The following PER1 variants were observed in gnomAD, a reference collection of about 807,000 sequenced individuals.
PER1 encodes period circadian protein homolog 1.
In PER1, 87 loss-of-function variants were observed where a neutral mutation model predicts 125.9. The observed-to-expected ratio is 0.69, with a 90% CI of 0.58 to 0.83. PER1 has a LOEUF of 0.83. Among genes scored for constraint, PER1 ranks in the 40% least tolerant of loss-of-function variants. The pLI is 0.00. For missense variants in PER1, 1,775 were observed against 1,722.8 expected (o/e 1.03, Z -0.54); for synonymous variants, 801 against 714.7 (o/e 1.12, Z -1.93).
In PER1 at chr17:8,144,965, G is replaced by A. The variant is rs2735611; in HGVS notation, c.2247C>T (p.Gly749=). The A allele has an allele frequency of 0.8, 1,203,977 of 1,502,102 alleles. 495,548 individuals are homozygous for A. Among genetic ancestry groups the A allele is most frequent in the Non-Finnish European group, 0.85 (961,064 of 1,126,378 alleles). The allele number at this position is 1,502,102 out of a possible 1,614,324, so 93.0% of individuals were successfully genotyped here. ...SDIIMMEDLP[G]LAPGPAPSPA... is the part of the protein sequence containing the mutation. ...GGCTGGGGGCTGGGCCTGGGGCTAG[G>A]CCAGGCAGGTCCTCCATCATGATGA... Residue 749 remains glycine, a synonymous_variant, in exon 18 of 23, where the codon GGC becomes GGT. Coordinates refer to ENST00000317276, the MANE Select transcript of PER1 (RefSeq NM_002616.3).
At chr17:8,145,275 T>C (rs1982358379) in intron 17 of PER1, 2 of 346,562 alleles carry the variant, frequency 5.8e-6, no homozygotes, top group Non-Finnish European at 1.0e-5. Context: ...ACAACTCTCA[T>C]TGGAAGAGAA....
Position 8,143,567 on chromosome 17 carries a change from G to A in PER1, c.2771C>T (p.Pro924Leu), listed in dbSNP as rs1982224124. 2 of 1,476,160 alleles carry A rather than the reference G, an allele frequency of 1.4e-6. No individual in the cohort carries two copies. Among genetic ancestry groups the A allele is most frequent in the Non-Finnish European group, 1.8e-6 (2 of 1,108,514 alleles). The allele number at this position is 1,476,160 out of a possible 1,614,324, so 91.4% of individuals were successfully genotyped here. The change falls in exon 19 of 23, where the codon CCT becomes CTT. Residue 924 changes from proline (P) to leucine (L), a missense_variant. Coordinates refer to ENST00000317276, the MANE Select transcript of PER1 (RefSeq NM_002616.3). ...LVTPMVALVL[P>L]NYLFPTPSSY... ...GGATGGGGTTGGGAACAGATAGTTA[G>A]GGAGCACCAAGGCCACCATTGGGGT...
Position 8,146,384 on chromosome 17 carries a change from C to T in PER1, c.2026G>A (p.Gly676Arg), listed in dbSNP as rs373151610. Reference sequence around the variant, plus strand: ...ATTGGATCTTTACCTTTCTTGGTCCCCACAGAGACTGGACCTGTCCTCTGC... The same window carrying T: ...ATTGGATCTTTACCTTTCTTGGTCCTCACAGAGACTGGACCTGTCCTCTGC... ...DRQRTGPVSV[G>R]TKKDPPSAAL... is the part of the protein sequence containing the mutation. Residue 676 changes from glycine to arginine, a missense_variant, in exon 16 of 23, where the codon GGG becomes AGG. By Grantham distance (125) the Gly-to-Arg change is moderately radical. Coordinates refer to ENST00000317276, the MANE Select transcript of PER1 (RefSeq NM_002616.3). 2 of 1,607,230 alleles carry T rather than the reference C, an allele frequency of 1.2e-6. No individual in the cohort carries two copies. Among genetic ancestry groups the T allele is most frequent in the Admixed American group, 1.7e-5 (1 of 59,366 alleles).
In PER1 at chr17:8,146,633, C is replaced by T. The variant is rs748759106; in HGVS notation, c.1868G>A (p.Cys623Tyr). The change falls in exon 15 of 23, where the codon TGC becomes TAC. Residue 623 changes from cysteine (C) to tyrosine (Y), a missense_variant. Coordinates refer to ENST00000317276, the MANE Select transcript of PER1 (RefSeq NM_002616.3). The part of the protein sequence containing the change: ...EEAERKEASS[C>Y]SYQQINCLDS... ...CAGGCAGTTGATCTGCTGGTAGGAG[C>T]AGCTGGAGGCTTCTTTCCTCTCGGC... 3 of 1,613,156 alleles carry T rather than the reference C, an allele frequency of 1.9e-6. No homozygotes were observed. Among genetic ancestry groups the T allele is most frequent in the Non-Finnish European group, 2.5e-6 (3 of 1,179,624 alleles).
Position 8,146,639 on chromosome 17 carries a change from G to A in PER1, c.1862C>T (p.Ser621Phe). Residue 621 changes from serine (S) to phenylalanine (F), a missense_variant, in exon 15 of 23, where the codon TCC (serine) becomes TTC (phenylalanine). Physicochemically the swap from Ser to Phe is radical, Grantham distance 155 (BLOSUM62 -2). Coordinates refer to ENST00000317276, the MANE Select transcript of PER1 (RefSeq NM_002616.3). Reference sequence around the variant, plus strand: ...GTTGATCTGCTGGTAGGAGCAGCTGGAGGCTTCTTTCCTCTCGGCCTCCTC... The same window carrying A: ...GTTGATCTGCTGGTAGGAGCAGCTGAAGGCTTCTTTCCTCTCGGCCTCCTC... Reference protein sequence around the residue: ...VPEEAERKEASSCSYQQINCL... With the variant: ...VPEEAERKEAFSCSYQQINCL... 1 of 1,613,594 alleles carries A rather than the reference G, an allele frequency of 6.2e-7. No individual in the cohort carries two copies. The highest frequency in any genetic ancestry group is 1.1e-5 in the South Asian group (1 of 91,024).
In PER1 at chr17:8,148,243, A is replaced by G; in HGVS notation, c.1065T>C (p.Pro355=). The change falls in exon 9 of 23, where the codon CCT becomes CCC. Residue 355 remains proline, a synonymous_variant. Coordinates refer to ENST00000317276, the MANE Select transcript of PER1 (RefSeq NM_002616.3). Reference sequence around the variant, plus strand: ...GCCGCGTAGTGAAAATCCTCTTGTCAGGGGGTATCCGGGGAGCTGAGGCAC... The same window carrying G: ...GCCGCGTAGTGAAAATCCTCTTGTCGGGGGGTATCCGGGGAGCTGAGGCAC... ...HSGYEAPRIP[P]DKRIFTTRHT... 6.2e-7 allele frequency: 1 copy of G among 1,614,014 alleles called. No homozygotes were observed. Among genetic ancestry groups the G allele is most frequent in the East Asian group, 2.2e-5 (1 of 44,868 alleles).
chr17:8,152,303 A>T (rs886695917), intron 1 of PER1, 34 bp downstream of exon 1: 4 of 152,272 alleles, frequency 2.6e-5, no homozygotes, highest in Non-Finnish European at 5.9e-5. Flanking sequence ...TCAGGGACGG[A>T]GATCGGCCCC....
Position 8,143,221 on chromosome 17 carries a change from G to A in PER1, c.3072+45C>T, listed in dbSNP as rs1383842415. ...GCAGCACAGGGTGGCAGAGGGGCGG[G>A]GCTGGGGTGGGGGCTGGCAGGCAGA... On this transcript the variant is annotated intron_variant, in intron 19 of 22. Transcript: ENST00000317276. 3.0e-6 allele frequency: 4 copies of A among 1,338,074 alleles called. No individual in the cohort carries two copies. The Admixed American group carries it at 8.5e-5, about 28-fold the overall frequency. 82.9% of individuals were successfully genotyped at this position (1,338,074 alleles called of 1,614,324 possible).
At position 8,147,928 on chromosome 17, in the gene PER1, A is replaced by G; in HGVS notation, c.1234+69T>C. ...CCAGGAGACCAAGGCACCAAGAGACACAACCACAAGGGCAGCCACTCAAAA... is the reference window on the plus strand; with the variant it reads ...CCAGGAGACCAAGGCACCAAGAGACGCAACCACAAGGGCAGCCACTCAAAA... On this transcript the variant is annotated intron_variant, in intron 10 of 22. Transcript: ENST00000317276. 6.9e-6 allele frequency: 11 copies of G among 1,583,424 alleles called. No homozygotes were observed. In the South Asian group the frequency reaches 9.0e-5, roughly 13 times the overall value.
chr17:8,151,499 TAAG>T (rs1982862385), intron 1 of PER1, among the ~76,000 whole-genome samples: 1 of 151,998 alleles, frequency 6.6e-6, no homozygotes, highest in South Asian at 2.1e-4. Flanking sequence ...TCGGTGGCCG[TAAG>T]AAGTGGGACG....
intron 1 of PER1, among the ~76,000 whole-genome samples, chr17:8,151,498 G>C (rs1253856557): frequency 6.6e-6 from 1 of 152,160 alleles, no homozygotes; most frequent in Non-Finnish European, 1.5e-5. Flanking sequence ...CTCGGTGGCC[G>C]TAAGAAGTGG....
rs1392481422 is a variant in PER1, at chr17:8,143,707, G to C, written c.2631C>G (p.Phe877Leu). ...GAGGGTAGGGCTGGACAACCGCTGG[G>C]AAGGGGGTAGTGGCTGGTGGGGTGG... The part of the protein sequence containing the change: ...PWPTPPATTP[F>L]PAVVQPYPLP... Residue 877 changes from phenylalanine (F) to leucine (L), a missense_variant, in exon 19 of 23, where the codon TTC becomes TTG. Transcript: ENST00000317276. 1.4e-6 allele frequency: 2 copies of C among 1,408,984 alleles called. No homozygotes were observed. Among genetic ancestry groups the C allele is most frequent in the South Asian group, 2.6e-5 (2 of 77,178 alleles). The allele number at this position is 1,408,984 out of a possible 1,614,324, so 87.3% of individuals were successfully genotyped here. A position where few individuals can be genotyped will look rare whatever the true frequency, so the allele number is the denominator to read the frequency against.
In PER1 at chr17:8,148,246, G is replaced by A. The variant is rs1264056109; in HGVS notation, c.1062C>T (p.Pro354=). 65 of 1,614,022 alleles carry A rather than the reference G, an allele frequency of 4.0e-5. No individual in the cohort carries two copies. Among genetic ancestry groups the A allele is most frequent in the Non-Finnish European group, 5.5e-5 (65 of 1,179,896 alleles). Residue 354 remains proline (P), a synonymous_variant, in exon 9 of 23, where the codon CCC becomes CCT. Transcript: ENST00000317276. ...GCGTAGTGAAAATCCTCTTGTCAGGGGGTATCCGGGGAGCTGAGGCACAGA... is the reference window on the plus strand; with the variant it reads ...GCGTAGTGAAAATCCTCTTGTCAGGAGGTATCCGGGGAGCTGAGGCACAGA... ...IHSGYEAPRI[P]PDKRIFTTRH...
Position 8,144,901 on chromosome 17 carries a change from C to G in PER1, c.2311G>C (p.Asp771His). The G allele has an allele frequency of 6.4e-7, 1 of 1,553,486 alleles. No homozygotes were observed. Among genetic ancestry groups the G allele is most frequent in the South Asian group, 1.2e-5 (1 of 82,436 alleles). The change falls in exon 18 of 23, where the codon GAC becomes CAC. Residue 771 changes from aspartate (D) to histidine (H), a missense_variant. Coordinates refer to ENST00000317276, the MANE Select transcript of PER1 (RefSeq NM_002616.3). ...GTCAGCCCCACTGGACGGTAGGCGTCTGGGGCTGGGTCAGGGGCTACTGTG... is the reference window on the plus strand; with the variant it reads ...GTCAGCCCCACTGGACGGTAGGCGTGTGGGGCTGGGTCAGGGGCTACTGTG... ...SPTVAPDPAP[D>H]AYRPVGLTKA...
Position 8,150,662 on chromosome 17 carries a change from C to T in PER1, c.45G>A (p.Arg15=), listed in dbSNP as rs550860633. The change falls in exon 2 of 23, where the codon AGG becomes AGA. Residue 15 remains arginine (R), a synonymous_variant. Transcript: ENST00000317276. ...LEGADGGGDP[R]PGESFCPGGV... Reference sequence around the variant, plus strand: ...CCCCAGGACAAAATGATTCCCCAGGCCTGGGGTCCCCTCCCCCATCAGCCC... The same window carrying T: ...CCCCAGGACAAAATGATTCCCCAGGTCTGGGGTCCCCTCCCCCATCAGCCC... 2 of 1,596,658 alleles carry T rather than the reference C, an allele frequency of 1.3e-6. No homozygotes were observed. Among genetic ancestry groups the T allele is most frequent in the African/African-American group, 1.3e-5 (1 of 74,602 alleles).
Position 8,143,508 on chromosome 17 carries a change from C to T in PER1, c.2830G>A (p.Glu944Lys). The change falls in exon 19 of 23, where the codon GAA becomes AAA. Residue 944 changes from glutamate (E) to lysine (K), a missense_variant. Coordinates refer to ENST00000317276, the MANE Select transcript of PER1 (RefSeq NM_002616.3). Reference sequence around the variant, plus strand: ...TGCGAGGCAGGAGTGGGAGGCCCTTCAGCAGGGGTCTGGAGTGCCCCATAA... The same window carrying T: ...TGCGAGGCAGGAGTGGGAGGCCCTTTAGCAGGGGTCTGGAGTGCCCCATAA... ...YPYGALQTPA[E>K]GPPTPASHSP... 1 of 1,568,678 alleles carries T rather than the reference C, an allele frequency of 6.4e-7. No homozygotes were observed. The highest frequency in any genetic ancestry group is 8.7e-7 in the Non-Finnish European group (1 of 1,155,404).
Position 8,149,856 on chromosome 17 carries a change from G to A in PER1, c.550C>T (p.Gln184Ter). The change falls in exon 5 of 23, where the codon CAG (glutamine) becomes TAG (stop). Residue 184 changes from glutamine to a stop codon, truncating the protein, a stop_gained. Transcript: ENST00000317276. LOFTEE classifies it high-confidence loss of function. ...QVQANQEYYQ[Q>*]WSLEEGEPCS... ...GGCTCGCCCTCCTCCAGGCTCCACT[G>A]CTGGTAGTATTCCTGGTTGGCTGCA... 1 of 1,614,144 alleles carries A rather than the reference G, an allele frequency of 6.2e-7. No individual in the cohort carries two copies. The highest frequency in any genetic ancestry group is 8.5e-7 in the Non-Finnish European group (1 of 1,180,036).
chr17:8,148,144 C>T, intron 9 of PER1, 37 bp downstream of exon 9: 2 of 1,612,610 alleles, frequency 1.2e-6, no homozygotes, highest in South Asian at 1.1e-5. Context: ...TGGCCTCAGC[C>T]CTGGCTGCCC....
intron 1 of PER1, 43 bp from the exon 2 acceptor site, chr17:8,150,888 T>G: frequency 1.7e-6 from 1 of 577,708 alleles, no homozygotes; most frequent in Non-Finnish European, 3.0e-6. Context: ...GAAAGCTGGT[T>G]TAACTCCAGA....
Sources: allele counts gnomAD v4.1 joint callset (sites outside exome capture counted in the v4.1 genomes callset), GRCh38; gene constraint gnomAD v4.1.1; transcripts MANE v1.5; gene names NCBI Gene and HGNC (gene_info 2026-07-23, HGNC 2026-07-21).